The following MAP4 variants were observed in gnomAD, a reference collection of about 807,000 sequenced individuals.
MAP4 encodes the protein microtubule associated protein 4.
Under a neutral mutation model 170.2 loss-of-function variants are expected in MAP4, and 76 were observed. The ratio of observed to expected loss-of-function variants is 0.45; its 90% CI spans 0.37 to 0.54. MAP4 has a LOEUF of 0.54. Ranked by LOEUF, MAP4 falls within the 20% of genes least tolerant of loss-of-function variation. The pLI, the probability that MAP4 is intolerant of heterozygous loss-of-function variation, is 0.00. For missense variants in MAP4, 2,506 were observed against 2,748.0 expected, an observed-to-expected ratio of 0.91 and a Z score of 1.97; for synonymous variants, 909 against 994.5, an observed-to-expected ratio of 0.91 and a Z score of 1.62.
At chr3:48,078,469 T>G (rs2100145004) in intron 1 of MAP4, among the ~76,000 whole-genome samples, 1 of 152,072 alleles carries the variant, frequency 6.6e-6, no homozygotes, top group Non-Finnish European at 1.5e-5. Context: ...AATTGTATGC[T>G]TTAAAATGGT....
chr3:48,021,626 G>A (rs972318544), intron 1 of MAP4, among the ~76,000 whole-genome samples: 8 of 152,152 alleles, frequency 5.3e-5, no homozygotes, highest in Non-Finnish European at 7.3e-5. Context: ...GATTACAGGC[G>A]TGAGACACCA....
At chr3:47,998,039 T>C (rs1485468677) in intron 2 of MAP4, among the ~76,000 whole-genome samples, 2 of 152,202 alleles carry the variant, frequency 1.3e-5, no homozygotes, top group Non-Finnish European at 2.9e-5. Context: ...ATGCAAACTA[T>C]TCTAGAAAAG....
At chr3:47,947,959 CTA>C (rs1281134835) in intron 3 of MAP4, among the ~76,000 whole-genome samples, 5 of 151,976 alleles carry the variant, frequency 3.3e-5, no homozygotes, top group Admixed American at 1.3e-4. Flanking sequence ...ATACACAAGT[CTA>C]TGTCTTTTGT....
At position 47,892,875 on chromosome 3, in the gene MAP4, C is replaced by G. The variant is rs934118578; in HGVS notation, c.5434+10075G>C. ...TGGCTTTCACTGATATAGATACGTG[C>G]ATACCCACACACTCATTTATCTGAT... On this transcript the variant is annotated intron_variant, in intron 10 of 20. Coordinates refer to ENST00000683076, the MANE Select transcript of MAP4 (RefSeq NM_001385682.1). 14 of 1,013,254 alleles carry G rather than the reference C, an allele frequency of 1.4e-5. No individual in the cohort carries two copies. The African/African-American group carries it at 2.4e-4, about 18-fold the overall frequency. The allele number at this position is 1,013,254 out of a possible 1,614,324, so 62.8% of individuals were successfully genotyped here.
intron 1 of MAP4, among the ~76,000 whole-genome samples, chr3:48,087,745 G>A (rs4295189): frequency 0.17 from 17,802 of 105,456 alleles, 1,102 homozygotes; most frequent in Non-Finnish European, 0.22. Context: ...ACACGCACGC[G>A]CACACACACA....
chr3:47,983,234 G>T (rs1036104471), intron 2 of MAP4, among the ~76,000 whole-genome samples: 1 of 151,894 alleles, frequency 6.6e-6, no homozygotes, highest in African/African-American at 2.4e-5. Flanking sequence ...TAAGAGAGAG[G>T]GTTTTGCTCT....
chr3:47,944,745 A>T (rs1490101776), intron 3 of MAP4, among the ~76,000 whole-genome samples: 6 of 151,902 alleles, frequency 3.9e-5, no homozygotes, highest in Non-Finnish European at 8.8e-5. Context: ...TCTTTAAAAC[A>T]CAAGTAAAAT....
chr3:47,997,116 G>A (rs564184832), intron 2 of MAP4, among the ~76,000 whole-genome samples: 32 of 151,646 alleles, frequency 2.1e-4, no homozygotes, highest in Non-Finnish European at 4.3e-4. Flanking sequence ...GCATCCAAGA[G>A]ATACAGGACA....
intron 3 of MAP4, among the ~76,000 whole-genome samples, chr3:47,965,770 T>A (rs1161501025): frequency 2.0e-5 from 3 of 152,194 alleles, no homozygotes; most frequent in Non-Finnish European, 2.9e-5. Context: ...CTAGAAGTTA[T>A]TTACATATTC....
In MAP4 at chr3:47,910,852, T is replaced by G. The variant is rs1316449178; in HGVS notation, c.3569A>C (p.Lys1190Thr). The change falls in exon 9 of 21, where the codon AAG becomes ACG. Residue 1190 changes from lysine to threonine, a missense_variant. By Grantham distance (78) the Lys-to-Thr change is moderately conservative. Transcript: ENST00000683076. ...ATCCTTCCATGGACACCTTCCTTCC[T>G]TGCTCTGGTTATTGACACCCATATC... ...VKDMGVNNQS[K>T]EGRCPWKDHE... The G allele has an allele frequency of 7.2e-6, 11 of 1,536,056 alleles. No homozygotes were observed. The highest frequency in any genetic ancestry group is 9.6e-6 in the Non-Finnish European group (11 of 1,146,930).
At chr3:48,011,552 C>CAAA (rs763200781) in intron 1 of MAP4, among the ~76,000 whole-genome samples, 1 of 109,176 alleles carries the variant, frequency 9.2e-6, no homozygotes, top group African/African-American at 3.4e-5. Flanking sequence ...GACTCCGTCT[C>CAAA]AAAAAAAAAA....
At chr3:48,028,293 G>A (rs536467955) in intron 1 of MAP4, among the ~76,000 whole-genome samples, 7 of 151,446 alleles carry the variant, frequency 4.6e-5, no homozygotes, top group African/African-American at 1.5e-4. Context: ...CACCATCTCT[G>A]GGGGGGGAGG....
rs1225046840 is a variant in MAP4, at chr3:47,872,110, G to C, written c.5758-10C>G. ...TTGCATCTGCAATGGGCTGGAAATA[G>C]GAAAGTGGGAATGAGGCCTGCAGGT... On this transcript the variant is annotated splice_polypyrimidine_tract_variant and intron_variant, in intron 12 of 20. Coordinates refer to ENST00000683076, the MANE Select transcript of MAP4 (RefSeq NM_001385682.1). 3 of 1,600,482 alleles carry C rather than the reference G, an allele frequency of 1.9e-6. No homozygotes were observed. Among genetic ancestry groups the C allele is most frequent in the African/African-American group, 2.7e-5 (2 of 74,730 alleles).
At chr3:47,940,111 T>C (rs1381044082) in intron 3 of MAP4, among the ~76,000 whole-genome samples, 1 of 152,150 alleles carries the variant, frequency 6.6e-6, no homozygotes, top group Non-Finnish European at 1.5e-5. Context: ...ATGCTGCAAT[T>C]ATAGGTGTGA....
At chr3:47,944,077 TG>T (rs2100058182) in intron 3 of MAP4, among the ~76,000 whole-genome samples, 1 of 152,056 alleles carries the variant, frequency 6.6e-6, no homozygotes, top group Non-Finnish European at 1.5e-5. Flanking sequence ...TTTGGGAGGC[TG>T]AGGCAGGTGG....
chr3:47,871,046 T>G lies in MAP4; in HGVS notation c.6061A>C (p.Ser2021Arg). The G allele has an allele frequency of 6.2e-7, 1 of 1,613,182 alleles. No individual in the cohort carries two copies. The highest frequency in any genetic ancestry group is 8.5e-7 in the Non-Finnish European group (1 of 1,179,366). ...ACCCCTGCAGCGGGGGCTGTCCCAC[T>G]GAGAGTGGTGGTTTTCTTCATGGAA... Reference protein sequence around the residue: ...TSSMKKTTTLSGTAPAAGVVP... With the variant: ...TSSMKKTTTLRGTAPAAGVVP... The change falls in exon 15 of 21, where the codon AGT (serine) becomes CGT (arginine). Residue 2021 changes from serine (S) to arginine (R), a missense_variant. Coordinates refer to ENST00000683076, the MANE Select transcript of MAP4 (RefSeq NM_001385682.1).
chr3:47,916,489 C>G lies in MAP4; in HGVS notation c.1338G>C (p.Leu446=), dbSNP rs2100039251. ...CCGGGGGCAGTGTCATGTCCCTGGC[C>G]AGGGCTACCTCTGTTTCTGAGGACA... ...VALSSETEVA[L]ARDMTLPPET... Residue 446 remains leucine (L), a synonymous_variant, in exon 7 of 21, where the codon CTG becomes CTC. Transcript: ENST00000683076. 1 of 1,614,044 alleles carries G rather than the reference C, an allele frequency of 6.2e-7. No homozygotes were observed. Among genetic ancestry groups the G allele is most frequent in the Non-Finnish European group, 8.5e-7 (1 of 1,180,030 alleles).
chr3:48,042,114 T>A (rs1559841988), intron 1 of MAP4, among the ~76,000 whole-genome samples: 1 of 152,214 alleles, frequency 6.6e-6, no homozygotes, highest in South Asian at 2.1e-4. Context: ...TGGCTATAAA[T>A]GGGAACACCA....
intron 2 of MAP4, among the ~76,000 whole-genome samples, chr3:47,981,238 G>T (rs2100085244): frequency 6.6e-6 from 1 of 152,100 alleles, no homozygotes; most frequent in Non-Finnish European, 1.5e-5. Context: ...GATACAGGAA[G>T]ATAACAGGTA....
Sources: gnomAD v4.1 joint callset for allele counts (sites outside exome capture counted in the v4.1 genomes callset) on GRCh38, gnomAD v4.1.1 for gene constraint, MANE v1.5 for transcripts, NCBI Gene and HGNC (gene_info 2026-07-23, HGNC 2026-07-21) for gene names.